Variants in ZNF248 observed in about 807,000 individuals in gnomAD.
ZNF248 encodes zinc finger protein 248, also known as KRAB protein domain.
ZNF248 carries 20 observed loss-of-function variants against 44.3 expected under a neutral mutation model. The ratio of observed to expected loss-of-function variants is 0.45; its 90% CI spans 0.32 to 0.66. The LOEUF (loss-of-function observed/expected upper bound fraction) is 0.66. ZNF248 is among the 30% of genes least tolerant of loss of function. ZNF248 has a pLI of 0.04. For missense variants in ZNF248, 654 were observed against 677.0 expected (o/e 0.97, Z 0.38); for synonymous variants, 224 against 229.0 (o/e 0.98, Z 0.20).
At chr10:37,813,244 T>C (rs2051847464) in intron 6 of ZNF248, among the ~76,000 whole-genome samples, 1 of 152,184 alleles carries the variant, frequency 6.6e-6, no homozygotes, top group Non-Finnish European at 1.5e-5. Flanking sequence ...TGGCAGAAGG[T>C]TTCCAATTAT....
chr10:37,770,797 C>G, the ZNF248 span, among the ~76,000 whole-genome samples: 1 of 152,080 alleles, frequency 6.6e-6, no homozygotes. Context: ...TAAAGAGCTT[C>G]TGCACAGCAA....
intron 6 of ZNF248, among the ~76,000 whole-genome samples, chr10:37,809,683 T>C (rs1478579958): frequency 2.0e-5 from 3 of 152,212 alleles, no homozygotes; most frequent in African/African-American, 7.2e-5. Context: ...ATATCCCCTT[T>C]AGCACAACTT....
chr10:37,842,925 G>A (rs548606637), intron 3 of ZNF248, among the ~76,000 whole-genome samples: 63 of 152,236 alleles, frequency 4.1e-4, no homozygotes, highest in African/African-American at 1.4e-3. Flanking sequence ...AGCTATTCTC[G>A]AGGTTCAGTG....
At chr10:37,813,286 G>A (rs1347557950) in intron 6 of ZNF248, among the ~76,000 whole-genome samples, 3 of 152,268 alleles carry the variant, frequency 2.0e-5, no homozygotes, top group African/African-American at 7.2e-5. Context: ...TTTATGACAT[G>A]GACCCTTTTA....
the ZNF248 span, among the ~76,000 whole-genome samples, chr10:37,766,029 T>C: frequency 6.6e-6 from 1 of 152,174 alleles, no homozygotes; most frequent in Non-Finnish European, 1.5e-5. Flanking sequence ...CAGTCTGAGA[T>C]CAAACTGCAA....
intron 6 of ZNF248, among the ~76,000 whole-genome samples, chr10:37,793,132 G>C (rs1459816776): frequency 6.6e-6 from 1 of 152,034 alleles, no homozygotes; most frequent in African/African-American, 2.4e-5. Context: ...AGGAGATCAA[G>C]ACCGGTTTGG....
rs1009078320 is a variant in ZNF248 at position 37,838,567 on chromosome 10, T to C, written c.16-456A>G. Among the ~76,000 whole-genome samples the C allele has an allele frequency of 5.3e-5, 8 of 152,184 alleles. No homozygotes were observed. In the East Asian group the frequency reaches 5.8e-4, roughly 11 times the overall value. Reference sequence around the variant, plus strand: ...TGAATATGACCAAGCTCAGCACATATTGATTCAAGTGACTGCCCCGCAGTC... The same window carrying C: ...TGAATATGACCAAGCTCAGCACATACTGATTCAAGTGACTGCCCCGCAGTC... On this transcript the variant is annotated intron_variant, in intron 3 of 5. Coordinates refer to ENST00000395867, the MANE Select transcript of ZNF248 (RefSeq NM_021045.3).
intron 3 of ZNF248, among the ~76,000 whole-genome samples, chr10:37,854,549 C>G (rs1326264482): frequency 6.6e-6 from 1 of 152,142 alleles, no homozygotes; most frequent in Non-Finnish European, 1.5e-5. Context: ...ATCGGTTGCC[C>G]CAAATCCAAA....
chr10:37,799,265 A>T (rs1331653891), intron 6 of ZNF248, among the ~76,000 whole-genome samples: 2 of 152,194 alleles, frequency 1.3e-5, no homozygotes, highest in African/African-American at 4.8e-5. Flanking sequence ...TTTTAAAATA[A>T]GTATGTGAAA....
chr10:37,857,872 C>T (rs939416504), upstream of ZNF248: 4 of 152,362 alleles, frequency 2.6e-5, no homozygotes, highest in African/African-American at 7.2e-5. Context: ...CCCCTTCTGA[C>T]AGAGACGCCC....
intron 6 of ZNF248, among the ~76,000 whole-genome samples, chr10:37,814,014 AAAGT>A (rs1387962033): frequency 6.6e-6 from 1 of 152,238 alleles, no homozygotes; most frequent in East Asian, 1.9e-4. Context: ...ATTTACATTT[AAAGT>A]AATAACCAAA....
chr10:37,761,883 T>C, the ZNF248 span, among the ~76,000 whole-genome samples: 2 of 152,206 alleles, frequency 1.3e-5, no homozygotes, highest in African/African-American at 4.8e-5. Flanking sequence ...GGTTGGTTAA[T>C]TTACCTGCTA....
At chr10:37,793,461 C>A (rs2048794701) in intron 6 of ZNF248, among the ~76,000 whole-genome samples, 1 of 152,138 alleles carries the variant, frequency 6.6e-6, no homozygotes. Context: ...CCAATACCAT[C>A]TAATTAGGCC....
At chr10:37,766,233 C>T in the ZNF248 span, among the ~76,000 whole-genome samples, 11 of 152,356 alleles carry the variant, frequency 7.2e-5, no homozygotes, top group African/African-American at 2.6e-4. Context: ...ACTTAAATGT[C>T]CCTGTCTGAC....
chr10:37,773,120 C>T (rs575273465), downstream of ZNF248, among the ~76,000 whole-genome samples: 11 of 152,320 alleles, frequency 7.2e-5, no homozygotes, highest in South Asian at 2.3e-3. Context: ...GTGGCACACA[C>T]CTGTAATCCC....
At chr10:37,819,145 G>T (rs890470879) in intron 6 of ZNF248, 4 of 787,544 alleles carry the variant, frequency 5.1e-6, no homozygotes, top group Non-Finnish European at 9.3e-6. Flanking sequence ...CTGGTTTGAG[G>T]TCATAGTGTA....
At chr10:37,786,349 A>T (rs1373079020) in intron 6 of ZNF248, among the ~76,000 whole-genome samples, 1 of 152,184 alleles carries the variant, frequency 6.6e-6, no homozygotes, top group African/African-American at 2.4e-5. Flanking sequence ...GTTTCATGTC[A>T]TTCCCAAATT....
intron 6 of ZNF248, among the ~76,000 whole-genome samples, chr10:37,816,880 G>T (rs1383867266): frequency 6.6e-6 from 1 of 152,054 alleles, no homozygotes; most frequent in Non-Finnish European, 1.5e-5. Flanking sequence ...GAGGGTGCTG[G>T]TCTTCTAGGC....
intron 3 of ZNF248, among the ~76,000 whole-genome samples, chr10:37,852,458 GGGA>G (rs1244772896): frequency 3.3e-5 from 5 of 152,004 alleles, no homozygotes; most frequent in Non-Finnish European, 5.9e-5. Context: ...GATTAATTTA[GGGA>G]GGAGTAGGGG....
Sources: allele counts gnomAD v4.1 joint callset (sites outside exome capture counted in the v4.1 genomes callset), GRCh38; gene constraint gnomAD v4.1.1; transcripts MANE v1.5; gene names NCBI Gene and HGNC (gene_info 2026-07-23, HGNC 2026-07-21).